TAFA1: variants seen among roughly 807,000 people sequenced by gnomAD.
TAFA1 encodes the protein TAFA chemokine like family member 1.
Under a neutral mutation model 18.5 loss-of-function variants are expected in TAFA1, and 4 were observed. The ratio of observed to expected loss-of-function variants is 0.22; its 90% CI spans 0.11 to 0.49. The LOEUF (loss-of-function observed/expected upper bound fraction) is 0.49. Among genes scored for constraint, TAFA1 ranks in the 20% least tolerant of loss-of-function variants. The pLI is 0.98. For missense variants in TAFA1, 147 were observed against 169.0 expected (o/e 0.87, Z 0.72); for synonymous variants, 56 against 55.2 (o/e 1.01, Z -0.06).
intron 3 of TAFA1, among the ~76,000 whole-genome samples, chr3:68,427,399 C>A (rs1387215769): frequency 6.6e-6 from 1 of 151,740 alleles, no homozygotes; most frequent in Non-Finnish European, 1.5e-5. Flanking sequence ...GAATAACTAG[C>A]AAATCTTGTG....
At chr3:68,381,768 C>G (rs2069962453) in intron 2 of TAFA1, among the ~76,000 whole-genome samples, 1 of 152,180 alleles carries the variant, frequency 6.6e-6, no homozygotes, top group South Asian at 2.1e-4. Context: ...TTGTTTCCTT[C>G]TGCTGCCTGA....
intron 3 of TAFA1, among the ~76,000 whole-genome samples, chr3:68,533,305 G>A (rs2073218402): frequency 6.6e-6 from 1 of 152,108 alleles, no homozygotes; most frequent in African/African-American, 2.4e-5. Context: ...GGACAAGAAA[G>A]AATGAGAATC....
chr3:68,211,357 T>C (rs1458104258), intron 2 of TAFA1, among the ~76,000 whole-genome samples: 1 of 152,014 alleles, frequency 6.6e-6, no homozygotes, highest in East Asian at 1.9e-4. Flanking sequence ...ATTTTCCTGG[T>C]GTGAAGGATA....
intron 3 of TAFA1, among the ~76,000 whole-genome samples, chr3:68,429,194 T>A (rs574973404): frequency 6.6e-6 from 1 of 152,054 alleles, no homozygotes; most frequent in Non-Finnish European, 1.5e-5. Flanking sequence ...AGGTTAAGTC[T>A]GTCCATGTCA....
intron 3 of TAFA1, among the ~76,000 whole-genome samples, chr3:68,445,252 T>A (rs1190085355): frequency 3.3e-5 from 5 of 152,294 alleles, no homozygotes; most frequent in Admixed American, 6.5e-5. Context: ...TTTCTGCCAT[T>A]TTTATTTTTG....
chr3:68,312,051 C>A (rs192967355), intron 2 of TAFA1, among the ~76,000 whole-genome samples: 219 of 152,354 alleles, frequency 1.4e-3, no homozygotes, highest in Admixed American at 2.4e-3. Flanking sequence ...CCAAGGCTTG[C>A]AGCTTCCACC....
chr3:68,378,918 A>G (rs1273448162), intron 2 of TAFA1, among the ~76,000 whole-genome samples: 1 of 152,136 alleles, frequency 6.6e-6, no homozygotes, highest in Non-Finnish European at 1.5e-5. Flanking sequence ...AAGTTTCCTA[A>G]GACCTCCCAG....
chr3:68,170,827 A>G (rs2106958461), intron 2 of TAFA1, among the ~76,000 whole-genome samples: 2 of 152,162 alleles, frequency 1.3e-5, no homozygotes, highest in African/African-American at 4.8e-5. Flanking sequence ...GCAGAGACAT[A>G]GAGACTTCTA....
At chr3:68,022,643 T>C (rs73837237) in intron 2 of TAFA1, among the ~76,000 whole-genome samples, 4,390 of 151,446 alleles carry the variant, frequency 0.029, 92 homozygotes, top group East Asian at 0.13. Context: ...AGTCAGGAGG[T>C]AGAATGTGAG....
intron 2 of TAFA1, among the ~76,000 whole-genome samples, chr3:68,261,666 A>G (rs946038304): frequency 1.3e-5 from 2 of 152,148 alleles, no homozygotes; most frequent in Non-Finnish European, 2.9e-5. Context: ...TATCACAAGG[A>G]CAAAAAACCA....
upstream of TAFA1, among the ~76,000 whole-genome samples, chr3:67,999,297 G>GTGTGTGTGTGTGTGTC (rs1704258794): frequency 6.6e-6 from 1 of 150,688 alleles, no homozygotes; most frequent in South Asian, 2.1e-4. Context: ...CTGTGTGTGT[G>GTGTGTGTGTGTGTGTC]TGTGTGTATG....
At chr3:68,481,516 C>T (rs989920537) in intron 3 of TAFA1, among the ~76,000 whole-genome samples, 1 of 152,094 alleles carries the variant, frequency 6.6e-6, no homozygotes, top group Non-Finnish European at 1.5e-5. Flanking sequence ...GACAACACAC[C>T]CTTTAGAGGC....
At chr3:68,020,381 G>C (rs1318996275) in intron 2 of TAFA1, among the ~76,000 whole-genome samples, 2 of 151,756 alleles carry the variant, frequency 1.3e-5, no homozygotes, top group African/African-American at 4.8e-5. Context: ...GCGTGGGCAA[G>C]TCAGTGTAAC....
intron 3 of TAFA1, among the ~76,000 whole-genome samples, chr3:68,436,747 A>G (rs2071274122): frequency 1.3e-5 from 2 of 152,168 alleles, no homozygotes; most frequent in African/African-American, 4.8e-5. Flanking sequence ...GTCTCTGTGG[A>G]AAGTTGTGAT....
intron 2 of TAFA1, among the ~76,000 whole-genome samples, chr3:68,078,494 T>G (rs1216195609): frequency 2.6e-5 from 4 of 152,306 alleles, no homozygotes; most frequent in Admixed American, 6.5e-5. Context: ...CATCAATACC[T>G]AATTTATTGA....
chr3:68,022,496 C>G (rs1704712783), intron 2 of TAFA1, among the ~76,000 whole-genome samples: 1 of 151,918 alleles, frequency 6.6e-6, no homozygotes, highest in East Asian at 1.9e-4. Context: ...GGGGAAGGGT[C>G]TAAGACACAG....
At chr3:68,175,400 G>A (rs562507326) in intron 2 of TAFA1, among the ~76,000 whole-genome samples, 1 of 152,284 alleles carries the variant, frequency 6.6e-6, no homozygotes. Flanking sequence ...AAGCAGCCAG[G>A]AGGAAGTCTG....
At chr3:68,431,000 A>C (rs1460460791) in intron 3 of TAFA1, among the ~76,000 whole-genome samples, 1 of 151,694 alleles carries the variant, frequency 6.6e-6, no homozygotes, top group African/African-American at 2.4e-5. Context: ...ATGTCAATTT[A>C]TTTTTCTCCT....
chr3:68,368,025 A>G (rs1389524575), intron 2 of TAFA1, among the ~76,000 whole-genome samples: 1 of 152,196 alleles, frequency 6.6e-6, no homozygotes, highest in Non-Finnish European at 1.5e-5. Context: ...ATTTATTTGA[A>G]TCCCCAGTGA....
Sources: allele counts gnomAD v4.1 joint callset (sites outside exome capture counted in the v4.1 genomes callset), GRCh38; gene constraint gnomAD v4.1.1; transcripts MANE v1.5; gene names NCBI Gene and HGNC (gene_info 2026-07-23, HGNC 2026-07-21).